The following CHAMP1 variants were observed in gnomAD, a reference collection of about 807,000 sequenced individuals.
The protein encoded by CHAMP1 is chromosome alignment maintaining phosphoprotein 1.
In CHAMP1, 4 loss-of-function variants were observed where a neutral mutation model predicts 54.5. The observed-to-expected ratio is 0.07, with a 90% CI of 0.04 to 0.17. CHAMP1 has a LOEUF of 0.17. Ranked by LOEUF, CHAMP1 falls within the 10% of genes least tolerant of loss-of-function variation. CHAMP1 has a pLI of 1.00. For missense variants in CHAMP1, 994 were observed against 968.6 expected (o/e 1.03, Z -0.35); for synonymous variants, 368 against 342.2 (o/e 1.08, Z -0.83).
intron 2 of CHAMP1, among the ~76,000 whole-genome samples, chr13:114,321,842 A>G (rs2087176395): frequency 6.6e-6 from 1 of 152,150 alleles, no homozygotes; most frequent in Admixed American, 6.5e-5. Flanking sequence ...AAAATACAGG[A>G]TAACTGCTGG....
At position 114,324,663 on chromosome 13, in the gene CHAMP1, C is replaced by T. The variant is rs1555379560; in HGVS notation, c.821C>T (p.Thr274Ile). The change falls in exon 3 of 3, where the codon ACC (threonine) becomes ATC (isoleucine). Residue 274 changes from threonine to isoleucine, a missense_variant. Transcript: ENST00000361283. ...GAATCTCGGAAGTCAGCCCGGACTA[C>T]CTCCCCTGAGCCAAGGAAGCCATCC... ...SPESRKSART[T>I]SPEPRKPSPS... 3 of 1,613,942 alleles carry T rather than the reference C, an allele frequency of 1.9e-6. No individual in the cohort carries two copies. The highest frequency in any genetic ancestry group is 1.7e-5 in the Admixed American group (1 of 59,996).
intron 1 of CHAMP1, among the ~76,000 whole-genome samples, chr13:114,314,846 C>T (rs968909440): frequency 2.6e-5 from 4 of 152,074 alleles, no homozygotes; most frequent in Non-Finnish European, 4.4e-5. Context: ...GTGCAGGGAG[C>T]GGGGAGGCCC....
Position 114,326,085 on chromosome 13 carries a change from T to C in CHAMP1, c.2243T>C (p.Leu748Pro), listed in dbSNP as rs1555379978. 1 of 1,612,104 alleles carries C rather than the reference T, an allele frequency of 6.2e-7. No homozygotes were observed. Among genetic ancestry groups the C allele is most frequent in the Admixed American group, 1.7e-5 (1 of 59,706 alleles). The change falls in exon 3 of 3, where the codon CTT (leucine) becomes CCT (proline). Residue 748 changes from leucine to proline, a missense_variant. This residue lies in a region of CHAMP1 where 59 missense variants were observed against 146.7 expected (regional missense o/e 0.40). Coordinates refer to ENST00000361283, the MANE Select transcript of CHAMP1 (RefSeq NM_032436.4). Reference sequence around the variant, plus strand: ...TGCACAATCTGTGGAAAGGCTTTTCTTTTGGAATCTCTCCTTAAAAATCAT... The same window carrying C: ...TGCACAATCTGTGGAAAGGCTTTTCCTTTGGAATCTCTCCTTAAAAATCAT... ...YKCTICGKAF[L>P]LESLLKNHVA...
At chr13:114,320,954 T>C (rs757511670) in intron 1 of CHAMP1, among the ~76,000 whole-genome samples, 156 bp from the exon 2 acceptor site, 5 of 141,506 alleles carry the variant, frequency 3.5e-5, no homozygotes, top group Non-Finnish European at 6.0e-5. Context: ...AGACTCTGTC[T>C]CAAAAAAAAA....
rs373326816 is a variant in CHAMP1, at chr13:114,325,623, T to C, written c.1781T>C (p.Ile594Thr). 2.7e-5 allele frequency: 43 copies of C among 1,614,086 alleles called. No individual in the cohort carries two copies. In the African/African-American group the frequency reaches 4.8e-4, roughly 18 times the overall value. The change falls in exon 3 of 3, where the codon ATT becomes ACT. Residue 594 changes from isoleucine to threonine, a missense_variant. Physicochemically the swap from Ile to Thr is moderately conservative, Grantham distance 89. Around this residue, in one of 3 missense-constraint regions of CHAMP1, gnomAD observed 851 missense variants for 701.3 expected, o/e 1.21. Transcript: ENST00000361283. ...IDAIDDQKCD[I>T]LVQEELLASP... ...GCCATAGATGATCAAAAATGTGATA[T>C]TTTGGTTCAGGAAGAACTTCTAGCT...
chr13:114,324,383 T>C lies in CHAMP1; in HGVS notation c.541T>C (p.Ser181Pro). The C allele has an allele frequency of 6.2e-7, 1 of 1,614,148 alleles. No individual in the cohort carries two copies. Among genetic ancestry groups the C allele is most frequent in the Non-Finnish European group, 8.5e-7 (1 of 1,180,020 alleles). Residue 181 changes from serine (S) to proline (P), a missense_variant, in exon 3 of 3, where the codon TCT (serine) becomes CCT (proline). This residue lies in a region of CHAMP1 where 851 missense variants were observed against 701.3 expected (regional missense o/e 1.21). Transcript: ENST00000361283. Reference sequence around the variant, plus strand: ...TTCTCCTGAGCCTTCAAAACCTGCCTCTGTTTCTTCTCCTGAACCTCCAAA... The same window carrying C: ...TTCTCCTGAGCCTTCAAAACCTGCCCCTGTTTCTTCTCCTGAACCTCCAAA... Reference protein sequence around the residue: ...LPSPEPSKPASVSSPEPPKSV... With the variant: ...LPSPEPSKPAPVSSPEPPKSV...
Position 114,323,915 on chromosome 13 carries a change from G to C in CHAMP1, c.73G>C (p.Asp25His). The C allele has an allele frequency of 1.2e-6, 2 of 1,614,158 alleles. No individual in the cohort carries two copies. Among genetic ancestry groups the C allele is most frequent in the Non-Finnish European group, 1.7e-6 (2 of 1,180,002 alleles). Residue 25 changes from aspartate (D) to histidine (H), a missense_variant, in exon 3 of 3, where the codon GAC (aspartate) becomes CAC (histidine). Coordinates refer to ENST00000361283, the MANE Select transcript of CHAMP1 (RefSeq NM_032436.4). The stretch of plus-strand genomic sequence containing the variant: ...TGACCATTGCAGTTTCAGAGGCACA[G>C]ACTATGAAAATGTACAAATCCATAT... The part of the protein sequence containing the change: ...ECDHCSFRGT[D>H]YENVQIHMGT...
chr13:114,326,379 T>C lies in CHAMP1; in HGVS notation c.*98T>C. On this transcript the variant is annotated 3_prime_UTR_variant, in exon 3 of 3. Transcript: ENST00000361283. Reference sequence around the variant, plus strand: ...AGCATAGTTGGATCAGTAGATGACATGTATGGTGTACCGTGTTTCACTGTC... The same window carrying C: ...AGCATAGTTGGATCAGTAGATGACACGTATGGTGTACCGTGTTTCACTGTC... 7.4e-7 allele frequency: 1 copy of C among 1,343,326 alleles called. No individual in the cohort carries two copies. The highest frequency in any genetic ancestry group is 1.0e-6 in the Non-Finnish European group (1 of 1,000,498). The allele number at this position is 1,343,326 out of a possible 1,614,324, so 83.2% of individuals were successfully genotyped here. A position where few individuals can be genotyped will look rare whatever the true frequency, so the allele number is the denominator to read the frequency against.
Position 114,325,727 on chromosome 13 carries a change from G to C in CHAMP1, c.1885G>C (p.Ala629Pro), listed in dbSNP as rs782250307. ...LKKDNQESSD[A>P]ELSSSEYIKT... ...GAAAGACAACCAAGAGAGCTCAGACGCTGAGCTTAGTAGTAGTGAGTACAT... is the reference window on the plus strand; with the variant it reads ...GAAAGACAACCAAGAGAGCTCAGACCCTGAGCTTAGTAGTAGTGAGTACAT... Residue 629 changes from alanine to proline, a missense_variant, in exon 3 of 3, where the codon GCT (alanine) becomes CCT (proline). This residue lies in a region of CHAMP1 where 851 missense variants were observed against 701.3 expected (regional missense o/e 1.21). Transcript: ENST00000361283. 6 of 1,613,892 alleles carry C rather than the reference G, an allele frequency of 3.7e-6. No individual in the cohort carries two copies. The South Asian group carries it at 5.5e-5, about 15-fold the overall frequency.
In CHAMP1 at chr13:114,324,758, G is replaced by C. The variant is rs781962408; in HGVS notation, c.916G>C (p.Ala306Pro). Residue 306 changes from alanine to proline, a missense_variant, in exon 3 of 3, where the codon GCT (alanine) becomes CCT (proline). Coordinates refer to ENST00000361283, the MANE Select transcript of CHAMP1 (RefSeq NM_032436.4). ...VSPEPRRPAP[A>P]VSPGSWKPGP... Reference sequence around the variant, plus strand: ...CCCAGAGCCTAGGAGACCAGCCCCCGCTGTGTCACCAGGCTCTTGGAAACC... The same window carrying C: ...CCCAGAGCCTAGGAGACCAGCCCCCCCTGTGTCACCAGGCTCTTGGAAACC... 7.7e-5 allele frequency: 124 copies of C among 1,613,748 alleles called. No homozygotes were observed. Among genetic ancestry groups the C allele is most frequent in the Non-Finnish European group, 1.0e-4 (120 of 1,179,886 alleles).
intron 1 of CHAMP1, among the ~76,000 whole-genome samples, chr13:114,318,788 T>C (rs1167886403): frequency 6.6e-6 from 1 of 151,796 alleles, no homozygotes; most frequent in Non-Finnish European, 1.5e-5. Flanking sequence ...TCTTCCCCTT[T>C]TGAAGTTAAA....
In CHAMP1 at chr13:114,321,145, A is replaced by T. The variant is rs1397270946; in HGVS notation, c.-143A>T. On this transcript the variant is annotated 5_prime_UTR_variant, in exon 2 of 3. Transcript: ENST00000361283. Reference sequence around the variant, plus strand: ...TCATCTTTGTTCTTCTTCATATACTATAGGCTGTTTGCTGTGGTTTAGTCA... The same window carrying T: ...TCATCTTTGTTCTTCTTCATATACTTTAGGCTGTTTGCTGTGGTTTAGTCA... The T allele has an allele frequency of 1.6e-5, 2 of 128,788 alleles. No individual in the cohort carries two copies. Among genetic ancestry groups the T allele is most frequent in the Admixed American group, 1.7e-4 (2 of 11,978 alleles). The allele number at this position is 128,788 out of a possible 1,614,324, so 8.0% of individuals were successfully genotyped here.
chr13:114,317,063 G>A (rs913383613), intron 1 of CHAMP1, among the ~76,000 whole-genome samples: 1 of 152,026 alleles, frequency 6.6e-6, no homozygotes, highest in African/African-American at 2.4e-5. Flanking sequence ...CTGTTGCCCA[G>A]CTGGAGTGCA....
intron 1 of CHAMP1, among the ~76,000 whole-genome samples, chr13:114,320,617 G>GT (rs2139413009): frequency 6.6e-6 from 1 of 152,220 alleles, no homozygotes; most frequent in African/African-American, 2.4e-5. Flanking sequence ...GACAAGGATG[G>GT]TGTCAGGAGT....
In CHAMP1 at chr13:114,325,851, A is replaced by G; in HGVS notation, c.2009A>G (p.Lys670Arg). Residue 670 changes from lysine (K) to arginine (R), a missense_variant, in exon 3 of 3, where the codon AAA becomes AGA. By Grantham distance (26) the Lys-to-Arg change is conservative. Coordinates refer to ENST00000361283, the MANE Select transcript of CHAMP1 (RefSeq NM_032436.4). ...TCCATTGATTTTAGCAAAGAGAACA[A>G]AATGGACATGACTAGTCCAGAGCAG... is the stretch of plus-strand genomic sequence containing the variant. ...VESIDFSKEN[K>R]MDMTSPEQSR... is the part of the protein sequence containing the mutation. The G allele has an allele frequency of 6.2e-7, 1 of 1,614,212 alleles. No homozygotes were observed. The highest frequency in any genetic ancestry group is 8.5e-7 in the Non-Finnish European group (1 of 1,180,034).
intron 1 of CHAMP1, among the ~76,000 whole-genome samples, chr13:114,319,578 T>A (rs902483754): frequency 5.9e-5 from 9 of 152,176 alleles, no homozygotes; most frequent in African/African-American, 2.2e-4. Flanking sequence ...TAACAGAGGT[T>A]AGAACTTCAA....
Position 114,324,066 on chromosome 13 carries a change from C to T in CHAMP1, c.224C>T (p.Ser75Phe), listed in dbSNP as rs373952414. Residue 75 changes from serine to phenylalanine, a missense_variant, in exon 3 of 3, where the codon TCT becomes TTT. By Grantham distance (155) the Ser-to-Phe change is radical. Around this residue, in one of 3 missense-constraint regions of CHAMP1, gnomAD observed 84 missense variants for 120.7 expected, o/e 0.70. Coordinates refer to ENST00000361283, the MANE Select transcript of CHAMP1 (RefSeq NM_032436.4). ...HKCFFTSKMY[S>F]NVYYHITSKH... is the part of the protein sequence containing the mutation. ...TGCTTCTTCACCAGCAAGATGTACT[C>T]TAATGTATACTATCACATCACATCC... 1 of 1,614,168 alleles carries T rather than the reference C, an allele frequency of 6.2e-7. No homozygotes were observed. Among genetic ancestry groups the T allele is most frequent in the Non-Finnish European group, 8.5e-7 (1 of 1,180,022 alleles).
intron 2 of CHAMP1, among the ~76,000 whole-genome samples, chr13:114,321,642 C>T (rs1030148759): frequency 6.6e-6 from 1 of 152,140 alleles, no homozygotes; most frequent in South Asian, 2.1e-4. Flanking sequence ...ATTATTGAGA[C>T]ATATCCTACG....
At chr13:114,319,927 C>G (rs1198238584) in intron 1 of CHAMP1, among the ~76,000 whole-genome samples, 5 of 152,188 alleles carry the variant, frequency 3.3e-5, no homozygotes, top group African/African-American at 1.2e-4. Flanking sequence ...GGTCATGGGC[C>G]AGACTGTGAA....
Sources: allele counts gnomAD v4.1 joint callset (sites outside exome capture counted in the v4.1 genomes callset), GRCh38; gene constraint gnomAD v4.1.1; regional missense constraint gnomAD v4.1.1; transcripts MANE v1.5; gene names NCBI Gene and HGNC (gene_info 2026-07-23, HGNC 2026-07-21).